The following VDAC1 variants were observed in gnomAD, a reference collection of about 807,000 sequenced individuals.
The protein encoded by VDAC1 is non-selective voltage-gated ion channel VDAC1.
VDAC1 carries 10 observed loss-of-function variants against 34.7 expected under a neutral mutation model. The ratio of observed to expected loss-of-function variants is 0.29; its 90% CI spans 0.18 to 0.49. VDAC1 has a LOEUF of 0.49. Ranked by LOEUF, VDAC1 falls within the 20% of genes least tolerant of loss-of-function variation. VDAC1 has a pLI of 0.99. For missense variants in VDAC1, 230 were observed against 347.9 expected (o/e 0.66, Z 2.69); for synonymous variants, 130 against 136.0 (o/e 0.96, Z 0.30).
the VDAC1 span, among the ~76,000 whole-genome samples, chr5:134,058,746 C>T: frequency 6.6e-6 from 1 of 152,190 alleles, no homozygotes; most frequent in Non-Finnish European, 1.5e-5. Context: ...CTATCATTCC[C>T]AGGGACTGAG....
chr5:133,981,195 C>G (rs1233399189), intron 5 of VDAC1, among the ~76,000 whole-genome samples: 2 of 152,036 alleles, frequency 1.3e-5, no homozygotes, highest in Admixed American at 1.3e-4. Context: ...CAGGAAAAGC[C>G]TGAAAAATAA....
chr5:134,036,245 C>A, the VDAC1 span, among the ~76,000 whole-genome samples: 19 of 152,060 alleles, frequency 1.2e-4, no homozygotes, highest in Admixed American at 2.6e-4. Flanking sequence ...GTTAATAACA[C>A]CTGAAAGGAG....
At chr5:134,107,897 A>T in the VDAC1 span, among the ~76,000 whole-genome samples, 1 of 152,230 alleles carries the variant, frequency 6.6e-6, no homozygotes, top group Non-Finnish European at 1.5e-5. Flanking sequence ...GGCTTGCCCA[A>T]GGTCCCGCTC....
chr5:134,009,812 C>G (rs1753803998), upstream of VDAC1, among the ~76,000 whole-genome samples: 1 of 152,028 alleles, frequency 6.6e-6, no homozygotes, highest in Non-Finnish European at 1.5e-5. Flanking sequence ...TCCCAAGTAG[C>G]TGTGACTACA....
At chr5:134,105,568 T>C in the VDAC1 span, among the ~76,000 whole-genome samples, 1 of 152,370 alleles carries the variant, frequency 6.6e-6, no homozygotes, top group South Asian at 2.1e-4. Context: ...TTACTGGATA[T>C]CTGCTCTCTG....
At chr5:134,077,504 T>C in the VDAC1 span, among the ~76,000 whole-genome samples, 5,008 of 152,288 alleles carry the variant, frequency 0.033, 128 homozygotes, top group South Asian at 0.079. Flanking sequence ...ACTGTTCTCA[T>C]GTGCATGGGA....
the VDAC1 span, among the ~76,000 whole-genome samples, chr5:134,102,142 C>A: frequency 3.3e-5 from 5 of 152,144 alleles, no homozygotes; most frequent in African/African-American, 4.8e-5. Context: ...TTGAGAGGCA[C>A]GGCCCCTTCC....
At chr5:134,057,653 C>T in the VDAC1 span, among the ~76,000 whole-genome samples, 1 of 150,676 alleles carries the variant, frequency 6.6e-6, no homozygotes, top group South Asian at 2.1e-4. Flanking sequence ...TGCACTATTG[C>T]ACTCCAGCCT....
chr5:133,999,544 G>A (rs1359863534), intron 1 of VDAC1, among the ~76,000 whole-genome samples: 1 of 152,108 alleles, frequency 6.6e-6, no homozygotes, highest in Non-Finnish European at 1.5e-5. Flanking sequence ...TCAACGTGAG[G>A]TACTTGCAGA....
At chr5:134,044,662 TGCG>T in the VDAC1 span, among the ~76,000 whole-genome samples, 1 of 151,894 alleles carries the variant, frequency 6.6e-6, no homozygotes, top group East Asian at 1.9e-4. Context: ...TGTGTGTGTG[TGCG>T]CGCGCGCACA....
At chr5:134,103,814 G>A in the VDAC1 span, among the ~76,000 whole-genome samples, 1 of 152,236 alleles carries the variant, frequency 6.6e-6, no homozygotes, top group Non-Finnish European at 1.5e-5. Flanking sequence ...AGCAGGAGGA[G>A]CGGGGGCAAA....
chr5:134,079,783 G>T, the VDAC1 span, among the ~76,000 whole-genome samples: 1 of 152,188 alleles, frequency 6.6e-6, no homozygotes, highest in East Asian at 1.9e-4. Context: ...TTTGGCGGAG[G>T]CATCTGCTGG....
chr5:134,027,849 C>T, the VDAC1 span, among the ~76,000 whole-genome samples: 45 of 148,152 alleles, frequency 3.0e-4, no homozygotes, highest in South Asian at 6.4e-4. Context: ...CGGCTCACTG[C>T]AACCTCCGCC....
chr5:133,974,228 A>G (rs1752396310), intron 7 of VDAC1, among the ~76,000 whole-genome samples: 1 of 152,208 alleles, frequency 6.6e-6, no homozygotes, highest in Admixed American at 6.5e-5. Flanking sequence ...CATAAATTAC[A>G]CAAACCAGTA....
the VDAC1 span, among the ~76,000 whole-genome samples, chr5:134,010,260 C>T: frequency 6.6e-6 from 1 of 152,080 alleles, no homozygotes. Context: ...CCAGCTTGGG[C>T]ATATTGAATC....
chr5:133,995,155 T>C (rs1299417569), intron 1 of VDAC1, among the ~76,000 whole-genome samples: 4 of 152,034 alleles, frequency 2.6e-5, no homozygotes, highest in Non-Finnish European at 5.9e-5. Flanking sequence ...ACTAAAGAGA[T>C]TACCACCCAA....
At chr5:133,997,816 C>T (rs1014961521) in intron 1 of VDAC1, among the ~76,000 whole-genome samples, 1 of 151,676 alleles carries the variant, frequency 6.6e-6, no homozygotes, top group African/African-American at 2.4e-5. Context: ...GTAATCCCAG[C>T]ACTTTGGGAG....
chr5:133,999,688 G>A (rs1440169368), intron 1 of VDAC1, among the ~76,000 whole-genome samples: 7 of 152,128 alleles, frequency 4.6e-5, no homozygotes, highest in Admixed American at 4.6e-4. Context: ...CTCTCTTGTA[G>A]GCCTCAGGGT....
intron 1 of VDAC1, among the ~76,000 whole-genome samples, chr5:133,999,665 G>T (rs1215118157): frequency 6.6e-6 from 1 of 152,130 alleles, no homozygotes; most frequent in African/African-American, 2.4e-5. Context: ...CACAGCTCCT[G>T]CCAAGAAGCT....
Sources: allele counts gnomAD v4.1 joint callset (sites outside exome capture counted in the v4.1 genomes callset), GRCh38; gene constraint gnomAD v4.1.1; transcripts MANE v1.5; gene names NCBI Gene and HGNC (gene_info 2026-07-23, HGNC 2026-07-21).